The following LETM1 variants were observed in gnomAD, a reference collection of about 807,000 sequenced individuals.
LETM1 encodes mitochondrial proton/calcium exchanger protein.
In LETM1, 50 loss-of-function variants were observed where a neutral mutation model predicts 74.5. That is an observed-to-expected ratio of 0.67 (90% CI 0.53 to 0.85). The LOEUF is 0.85. Among genes scored for constraint, LETM1 ranks in the 40% least tolerant of loss-of-function variants. LETM1 has a pLI of 0.00. For missense variants in LETM1, 824 were observed against 967.8 expected (o/e 0.85, Z 1.97); for synonymous variants, 446 against 407.1 (o/e 1.10, Z -1.15).
At chr4:1,843,626 T>G (rs763188952) in intron 2 of LETM1, among the ~76,000 whole-genome samples, 17 of 151,930 alleles carry the variant, frequency 1.1e-4, no homozygotes, top group Non-Finnish European at 2.2e-4. Context: ...AATAGACACG[T>G]GGAAGGTGCC....
In LETM1 at chr4:1,841,395, G is replaced by C; in HGVS notation, c.546C>G (p.Leu182=). The C allele has an allele frequency of 6.2e-7, 1 of 1,614,140 alleles. No homozygotes were observed. The highest frequency in any genetic ancestry group is 8.5e-7 in the Non-Finnish European group (1 of 1,180,042). ...GGCTGTGGCCGTTGAGGATGCGCCA[G>C]AGCATGCGTGCCGCGATCTTGGTGT... is the stretch of plus-strand genomic sequence containing the variant. ...WIDTKIAARM[L]WRILNGHSLT... The change falls in exon 3 of 14, where the codon CTC becomes CTG. Residue 182 remains leucine (L), a synonymous_variant. Transcript: ENST00000302787.
chr4:1,848,365 G>A (rs181589167), intron 2 of LETM1, among the ~76,000 whole-genome samples: 1,672 of 152,086 alleles, frequency 0.011, 30 homozygotes, highest in Admixed American at 0.055. Context: ...TGGCTAACAC[G>A]GTGAAACCCC....
At chr4:1,848,186 G>A (rs1225253538) in intron 2 of LETM1, among the ~76,000 whole-genome samples, 1 of 151,886 alleles carries the variant, frequency 6.6e-6, no homozygotes, top group Non-Finnish European at 1.5e-5. Flanking sequence ...GGCAGATCAC[G>A]GGAGGTCAGG....
Position 1,836,454 on chromosome 4 carries a change from G to T in LETM1, c.713C>A (p.Ser238Tyr), listed in dbSNP as rs1179928259. 1 of 1,613,862 alleles carries T rather than the reference G, an allele frequency of 6.2e-7. No individual in the cohort carries two copies. The highest frequency in any genetic ancestry group is 8.5e-7 in the Non-Finnish European group (1 of 1,179,974). ...CTTGAGTGACTGAGTCTCAAATGTG[G>T]ATGGCAACATGTTGGGGAAGAGCTT... ...AVKLFPNMLPSTFETQSLKEE... is the reference protein window; with the variant it reads ...AVKLFPNMLPYTFETQSLKEE... The change falls in exon 4 of 14, where the codon TCC (serine) becomes TAC (tyrosine). Residue 238 changes from serine (S) to tyrosine (Y), a missense_variant. This residue lies in a region of LETM1 where 269 missense variants were observed against 348.8 expected (regional missense o/e 0.77). Transcript: ENST00000302787. This position sits in a 1 kb window ranked among gnomAD's most constrained non-coding sequence, Gnocchi z 5.8.
At chr4:1,814,625 T>A (rs770948178) in intron 13 of LETM1, 52 bp from the exon 14 acceptor site, 2 of 1,546,526 alleles carry the variant, frequency 1.3e-6, no homozygotes, top group South Asian at 2.3e-5. Context: ...TACAGCACAG[T>A]GAGGCAGAGG....
rs1296906286 is a variant in LETM1 at position 1,841,416 on chromosome 4, G to C, written c.525C>G (p.Thr175=). ...YHGFRLLWID[T]KIAARMLWRI... is the part of the protein sequence containing the mutation. ...GCCAGAGCATGCGTGCCGCGATCTT[G>C]GTGTCGATCCATAGCAGGCGGAAGC... The change falls in exon 3 of 14, where the codon ACC becomes ACG. Residue 175 remains threonine (T), a synonymous_variant. Coordinates refer to ENST00000302787, the MANE Select transcript of LETM1 (RefSeq NM_012318.3). 8.7e-6 allele frequency: 14 copies of C among 1,614,084 alleles called. No individual in the cohort carries two copies. The highest frequency in any genetic ancestry group is 1.2e-5 in the Non-Finnish European group (14 of 1,180,060).
chr4:1,848,135 G>A (rs1712945961), intron 2 of LETM1, among the ~76,000 whole-genome samples: 1 of 152,198 alleles, frequency 6.6e-6, no homozygotes, highest in African/African-American at 2.4e-5. Context: ...CAGGCATGGT[G>A]GCTCACACCT....
At chr4:1,842,066 G>T (rs1712722879) in intron 2 of LETM1, among the ~76,000 whole-genome samples, 1 of 152,144 alleles carries the variant, frequency 6.6e-6, no homozygotes, top group Non-Finnish European at 1.5e-5. Flanking sequence ...AGGCAAGTCA[G>T]ACACAAACAC....
chr4:1,822,453 A>G, intron 9 of LETM1, 141 bp from the exon 10 acceptor site: 1 of 1,004,780 alleles, frequency 1.0e-6, no homozygotes, highest in South Asian at 3.3e-5. Context: ...CTGCCACAGA[A>G]GGTCCCTAGG....
chr4:1,844,253 T>TAGCTAAGTAC (rs1192435428), intron 2 of LETM1, among the ~76,000 whole-genome samples: 1 of 152,164 alleles, frequency 6.6e-6, no homozygotes, highest in East Asian at 1.9e-4. Context: ...AGTACAGATT[T>TAGCTAAGTAC]AGAAATAAAA....
chr4:1,845,700 C>T (rs1165076063), intron 2 of LETM1, among the ~76,000 whole-genome samples: 1 of 151,690 alleles, frequency 6.6e-6, no homozygotes, highest in Non-Finnish European at 1.5e-5. Flanking sequence ...GCATGTGCCA[C>T]CACGCCCAGG....
intron 6 of LETM1, among the ~76,000 whole-genome samples, chr4:1,826,223 C>T (rs923107181): frequency 6.6e-6 from 1 of 152,230 alleles, no homozygotes; most frequent in Non-Finnish European, 1.5e-5. Flanking sequence ...GTAATGACAG[C>T]TACTGCTAGG....
intron 1 of LETM1, 90 bp from the exon 2 acceptor site, chr4:1,849,299 C>A: frequency 1.1e-6 from 1 of 922,198 alleles, no homozygotes; most frequent in South Asian, 1.4e-5. Flanking sequence ...GAGTTTCGCT[C>A]TTGCGCCCAG....
At chr4:1,844,098 C>T (rs571123796) in intron 2 of LETM1, among the ~76,000 whole-genome samples, 4 of 152,144 alleles carry the variant, frequency 2.6e-5, no homozygotes, top group Admixed American at 6.5e-5. Context: ...CAGGCAAAGA[C>T]GAAGACTCGG....
intron 6 of LETM1, among the ~76,000 whole-genome samples, chr4:1,827,747 T>C (rs1239541667): frequency 2.7e-5 from 4 of 147,888 alleles, no homozygotes; most frequent in Non-Finnish European, 4.5e-5. Context: ...CTTTCCCGCC[T>C]TTCTATTCCA....
chr4:1,850,597 C>T (rs1335821922), intron 1 of LETM1, among the ~76,000 whole-genome samples: 2 of 147,036 alleles, frequency 1.4e-5, no homozygotes, highest in East Asian at 2.0e-4. Flanking sequence ...GAGCTGAGAT[C>T]GCACCACTGA....
chr4:1,833,266 C>T, intron 5 of LETM1: 2 of 345,020 alleles, frequency 5.8e-6, no homozygotes, highest in Non-Finnish European at 1.1e-5. Context: ...GATGGGATTT[C>T]ACTATGTTGG....
In LETM1 at chr4:1,855,963, G is replaced by C; in HGVS notation, c.-13C>G. The C allele has an allele frequency of 8.3e-7, 1 of 1,210,802 alleles. No homozygotes were observed. The highest frequency in any genetic ancestry group is 1.0e-6 in the Non-Finnish European group (1 of 974,920). The allele number at this position is 1,210,802 out of a possible 1,614,324, so 75.0% of individuals were successfully genotyped here. A position where few individuals can be genotyped will look rare whatever the true frequency, so the allele number is the denominator to read the frequency against. On this transcript the variant is annotated 5_prime_UTR_variant, in exon 1 of 14. Coordinates refer to ENST00000302787, the MANE Select transcript of LETM1 (RefSeq NM_012318.3). ...AGATGGACGCCATGTGCTCGGGCGCGGCGGCCGCTCCGGCCTCCTGCGCTG... is the reference window on the plus strand; with the variant it reads ...AGATGGACGCCATGTGCTCGGGCGCCGCGGCCGCTCCGGCCTCCTGCGCTG...
intron 6 of LETM1, among the ~76,000 whole-genome samples, chr4:1,827,052 G>T (rs1330774887): frequency 1.3e-5 from 2 of 152,184 alleles, no homozygotes; most frequent in African/African-American, 4.8e-5. Context: ...GCAGGGAGAG[G>T]GCAGCTCGCC....
Sources: gnomAD v4.1 joint callset for allele counts (sites outside exome capture counted in the v4.1 genomes callset) on GRCh38, gnomAD v4.1.1 for gene constraint, gnomAD v4.1.1 regional missense constraint, Gnocchi (gnomAD v3.1) non-coding constraint, MANE v1.5 for transcripts, NCBI Gene and HGNC (gene_info 2026-07-23, HGNC 2026-07-21) for gene names.